Variants in SUPT3H observed in about 807,000 individuals in gnomAD.
SUPT3H encodes transcription initiation protein SPT3 homolog.
SUPT3H carries 44 observed loss-of-function variants against 44.3 expected under a neutral mutation model. The ratio of observed to expected loss-of-function variants is 0.99; its 90% CI spans 0.78 to 1.28. SUPT3H has a LOEUF of 1.28. Among genes scored for constraint, SUPT3H ranks in the 50% most tolerant of loss-of-function variants. SUPT3H has a pLI of 0.00. For missense variants in SUPT3H, 380 were observed against 387.1 expected (o/e 0.98, Z 0.15); for synonymous variants, 124 against 125.6 (o/e 0.99, Z 0.09).
intron 10 of SUPT3H, among the ~76,000 whole-genome samples, chr6:44,923,894 A>G (rs941891081): frequency 6.6e-6 from 1 of 152,078 alleles, no homozygotes; most frequent in Admixed American, 6.6e-5. Context: ...TAGACTCATG[A>G]TGTTATGCTT....
intron 3 of SUPT3H, among the ~76,000 whole-genome samples, chr6:45,056,478 C>T (rs1025214731): frequency 6.6e-6 from 1 of 152,158 alleles, no homozygotes; most frequent in Non-Finnish European, 1.5e-5. Flanking sequence ...ATAGGTACAT[C>T]ATGGAATACT....
At chr6:45,364,112 C>T (rs919793283) in intron 2 of SUPT3H, among the ~76,000 whole-genome samples, 3 of 91,004 alleles carry the variant, frequency 3.3e-5, no homozygotes, top group African/African-American at 1.4e-4. Context: ...GAGACTCTGT[C>T]TCAAAAAAAA....
intron 2 of SUPT3H, among the ~76,000 whole-genome samples, chr6:45,305,924 C>G (rs1782916140): frequency 6.6e-6 from 1 of 152,228 alleles, no homozygotes; most frequent in Non-Finnish European, 1.5e-5. Context: ...ACTCCAAGTA[C>G]CAAACCAGCT....
intron 3 of SUPT3H, among the ~76,000 whole-genome samples, chr6:45,057,338 T>C (rs929367548): frequency 5.3e-5 from 8 of 152,060 alleles, no homozygotes; most frequent in African/African-American, 1.9e-4. Context: ...TAGACATATG[T>C]AAAAGTACAT....
At chr6:45,110,933 T>C (rs1799958779) in intron 2 of SUPT3H, among the ~76,000 whole-genome samples, 1 of 152,198 alleles carries the variant, frequency 6.6e-6, no homozygotes, top group African/African-American at 2.4e-5. Flanking sequence ...TGTGTGTGTG[T>C]ATTTCTTTTC....
intron 10 of SUPT3H, among the ~76,000 whole-genome samples, chr6:44,838,939 C>A (rs1223858160): frequency 6.6e-6 from 1 of 152,102 alleles, no homozygotes; most frequent in Non-Finnish European, 1.5e-5. Context: ...GTTAAATTTG[C>A]CATGGACATT....
intron 1 of SUPT3H, among the ~76,000 whole-genome samples, chr6:45,367,513 C>T (rs1409128468): frequency 1.3e-5 from 2 of 151,938 alleles, no homozygotes; most frequent in Non-Finnish European, 2.9e-5. Flanking sequence ...AAAGGACTTC[C>T]CTAAATAGTC....
chr6:45,110,620 T>C (rs1799920177), intron 2 of SUPT3H, among the ~76,000 whole-genome samples: 1 of 152,144 alleles, frequency 6.6e-6, no homozygotes, highest in Admixed American at 6.5e-5. Flanking sequence ...CTTTACTATC[T>C]TATGTTGAAT....
intron 10 of SUPT3H, among the ~76,000 whole-genome samples, chr6:44,932,168 T>C (rs1770693476): frequency 1.3e-5 from 2 of 152,176 alleles, no homozygotes; most frequent in Non-Finnish European, 2.9e-5. Context: ...ACCCTGATTA[T>C]AAGTTTTCAA....
At chr6:45,128,091 T>C (rs1802716576) in intron 2 of SUPT3H, among the ~76,000 whole-genome samples, 1 of 152,150 alleles carries the variant, frequency 6.6e-6, no homozygotes, top group African/African-American at 2.4e-5. Context: ...GATATTAATA[T>C]AGCCCTATCA....
chr6:45,252,693 G>A (rs904340960), intron 2 of SUPT3H, among the ~76,000 whole-genome samples: 32 of 151,958 alleles, frequency 2.1e-4, no homozygotes, highest in Non-Finnish European at 4.1e-4. Context: ...GGTGATTCAT[G>A]TGCAGGTTCT....
intron 9 of SUPT3H, among the ~76,000 whole-genome samples, chr6:44,938,888 T>C (rs1771928462): frequency 6.6e-6 from 1 of 152,208 alleles, no homozygotes; most frequent in Non-Finnish European, 1.5e-5. Flanking sequence ...TATCGGTGAA[T>C]AGAAACACTA....
intron 2 of SUPT3H, among the ~76,000 whole-genome samples, chr6:45,303,864 G>A (rs954556352): frequency 1.5e-4 from 23 of 151,398 alleles, no homozygotes; most frequent in Admixed American, 3.9e-4. Flanking sequence ...ATAGTGGTGC[G>A]CGCCTGTAGT....
intron 2 of SUPT3H, among the ~76,000 whole-genome samples, chr6:45,315,764 A>C (rs1475187815): frequency 6.6e-6 from 1 of 152,190 alleles, no homozygotes; most frequent in East Asian, 1.9e-4. Context: ...TTGATCCAGC[A>C]ATCTCATTAC....
At chr6:45,071,369 C>G (rs1333414512) in intron 3 of SUPT3H, among the ~76,000 whole-genome samples, 1 of 152,058 alleles carries the variant, frequency 6.6e-6, no homozygotes, top group East Asian at 1.9e-4. Flanking sequence ...TAACCAAACC[C>G]AGTAAACTCT....
At chr6:44,971,995 C>G (rs560375001) in intron 6 of SUPT3H, among the ~76,000 whole-genome samples, 1 of 152,048 alleles carries the variant, frequency 6.6e-6, no homozygotes, top group South Asian at 2.1e-4. Context: ...AGGATGGTCT[C>G]TATCTCCTGA....
chr6:45,196,360 C>A (rs1257444426), intron 2 of SUPT3H, among the ~76,000 whole-genome samples: 1 of 151,884 alleles, frequency 6.6e-6, no homozygotes, highest in East Asian at 1.9e-4. Context: ...CGCTTCAGCA[C>A]TTTTTAAAGG....
chr6:45,091,238 T>C (rs2153563065), intron 3 of SUPT3H, among the ~76,000 whole-genome samples: 1 of 152,188 alleles, frequency 6.6e-6, no homozygotes, highest in Non-Finnish European at 1.5e-5. Context: ...GATAAATATT[T>C]ATCATAGACT....
intron 2 of SUPT3H, among the ~76,000 whole-genome samples, chr6:45,215,318 G>A (rs756730256): frequency 2.0e-5 from 3 of 152,124 alleles, no homozygotes; most frequent in Non-Finnish European, 4.4e-5. Flanking sequence ...GCCAAAGGAA[G>A]ACAATAATCC....
Sources: gnomAD v4.1 joint callset for allele counts (sites outside exome capture counted in the v4.1 genomes callset) on GRCh38, gnomAD v4.1.1 for gene constraint, MANE v1.5 for transcripts, NCBI Gene and HGNC (gene_info 2026-07-23, HGNC 2026-07-21) for gene names.